The following TMEM266 variants were observed in gnomAD, a reference collection of about 807,000 sequenced individuals.
TMEM266 encodes transmembrane protein 266.
TMEM266 carries 33 observed loss-of-function variants against 50.5 expected under a neutral mutation model. The observed-to-expected ratio is 0.65, with a 90% CI of 0.50 to 0.87. TMEM266 has a LOEUF of 0.87. Ranked by LOEUF, TMEM266 falls within the 40% of genes least tolerant of loss-of-function variation. The probability of loss-of-function intolerance (pLI) is 0.00; values close to 1 mark genes in which losing one functional copy is unlikely to be tolerated. For missense variants in TMEM266, 655 were observed against 695.1 expected (o/e 0.94, Z 0.65); for synonymous variants, 310 against 292.3 (o/e 1.06, Z -0.62).
chr15:76,147,119 G>A (rs2037768717), intron 3 of TMEM266, among the ~76,000 whole-genome samples: 1 of 152,236 alleles, frequency 6.6e-6, no homozygotes, highest in African/African-American at 2.4e-5. Context: ...CTAGATCTCT[G>A]TGGAGTCGAG....
Position 76,065,003 on chromosome 15 carries a change from G to A in TMEM266, c.-97+4987G>A, listed in dbSNP as rs563135565. Among the ~76,000 whole-genome samples the A allele has an allele frequency of 1.0e-3, 159 of 152,286 alleles. 5 individuals are homozygous for A. In the South Asian group the frequency reaches 0.03, roughly 29 times the overall value. ...CCTTCTGCCCATGACAGTTTCCTTT[G>A]AAATAGTCAAATCTTTGTACTTTAC... On this transcript the variant is annotated intron_variant, in intron 1 of 10. Coordinates refer to ENST00000388942, the MANE Select transcript of TMEM266 (RefSeq NM_152335.3).
rs543685383 is a variant in TMEM266 at position 76,081,689 on chromosome 15, T to C, written c.-97+21673T>C. On this transcript the variant is annotated intron_variant, in intron 1 of 10. Coordinates refer to ENST00000388942, the MANE Select transcript of TMEM266 (RefSeq NM_152335.3). Reference sequence around the variant, plus strand: ...TGTCCATATCTGTAAATCGGGTCTGTATACTTGGAGGTTGTTGTGAAAATC... The same window carrying C: ...TGTCCATATCTGTAAATCGGGTCTGCATACTTGGAGGTTGTTGTGAAAATC... Among the ~76,000 whole-genome samples, 155 of 152,334 alleles carry C rather than the reference T, an allele frequency of 1.0e-3. No individual in the cohort carries two copies. The Middle Eastern group carries it at 0.01, about 10-fold the overall frequency.
chr15:76,124,032 T>C (rs758663264), intron 1 of TMEM266, among the ~76,000 whole-genome samples: 23 of 152,222 alleles, frequency 1.5e-4, no homozygotes, highest in Non-Finnish European at 2.8e-4. Flanking sequence ...GAATCTTGAC[T>C]GGACTAGGTT....
intron 7 of TMEM266, among the ~76,000 whole-genome samples, 173 bp downstream of exon 7, chr15:76,171,304 T>C (rs556547677): frequency 8.7e-4 from 132 of 152,324 alleles, no homozygotes; most frequent in African/African-American, 3.1e-3. Context: ...CACGCGTTCA[T>C]GCACACTGCC....
At chr15:76,149,408 C>T (rs2037804379) in intron 3 of TMEM266, among the ~76,000 whole-genome samples, 1 of 152,192 alleles carries the variant, frequency 6.6e-6, no homozygotes, top group South Asian at 2.1e-4. Context: ...GTACCCAATA[C>T]AGTGCCTAGC....
At chr15:76,182,766 T>C (rs2038435958) in intron 8 of TMEM266, among the ~76,000 whole-genome samples, 1 of 152,226 alleles carries the variant, frequency 6.6e-6, no homozygotes. Context: ...GTTGGCAGGC[T>C]GGGTACTATT....
intron 5 of TMEM266, among the ~76,000 whole-genome samples, chr15:76,162,425 C>T (rs999684090): frequency 5.3e-5 from 8 of 152,202 alleles, no homozygotes; most frequent in African/African-American, 1.9e-4. Flanking sequence ...AGAAGGGTCT[C>T]ATGGAGGTCT....
intron 1 of TMEM266, among the ~76,000 whole-genome samples, chr15:76,068,383 A>G (rs1264613983): frequency 6.6e-6 from 1 of 152,224 alleles, no homozygotes; most frequent in Non-Finnish European, 1.5e-5. Flanking sequence ...TACTAATTCC[A>G]TAGACTACTG....
At chr15:76,096,569 G>T (rs2036923368) in intron 1 of TMEM266, among the ~76,000 whole-genome samples, 2 of 152,018 alleles carry the variant, frequency 1.3e-5, no homozygotes, top group Non-Finnish European at 2.9e-5. Flanking sequence ...GTGCTGAGAA[G>T]AATGTATATT....
intron 3 of TMEM266, among the ~76,000 whole-genome samples, chr15:76,155,317 C>G (rs563743905): frequency 7.2e-5 from 11 of 152,192 alleles, no homozygotes; most frequent in African/African-American, 2.2e-4. Flanking sequence ...TCAGCTCCCC[C>G]ATCTCTGTAT....
chr15:76,175,862 C>T, intron 8 of TMEM266, 188 bp downstream of exon 8: 3 of 540,618 alleles, frequency 5.5e-6, no homozygotes, highest in South Asian at 4.1e-5. Flanking sequence ...ATGTATAGCC[C>T]AGCCAGGCAT....
intron 1 of TMEM266, among the ~76,000 whole-genome samples, chr15:76,102,321 C>T (rs1240831184): frequency 1.3e-5 from 2 of 152,106 alleles, no homozygotes; most frequent in Non-Finnish European, 2.9e-5. Flanking sequence ...AAAATTTATT[C>T]AGAAGGTGAG....
At chr15:76,156,498 C>CG in intron 3 of TMEM266, 106 bp from the exon 4 acceptor site, 1 of 1,215,402 alleles carries the variant, frequency 8.2e-7, no homozygotes. Flanking sequence ...GGAGAGAGCC[C>CG]GGGAGGAGTG....
chr15:76,151,216 C>T (rs2037838497), intron 3 of TMEM266, among the ~76,000 whole-genome samples: 1 of 152,168 alleles, frequency 6.6e-6, no homozygotes, highest in South Asian at 2.1e-4. Context: ...AGGAAAGCAC[C>T]TTCTCTAATT....
In TMEM266 at chr15:76,086,061, A is replaced by G. The variant is rs536061628; in HGVS notation, c.-97+26045A>G. ...GAAACTCCATTTCAAAAGAAAAAAA[A>G]AAAAAGAAAAAAATGTCCATAACAA... On this transcript the variant is annotated intron_variant, in intron 1 of 10. Transcript: ENST00000388942. Among the ~76,000 whole-genome samples, 6 of 152,114 alleles carry G rather than the reference A, an allele frequency of 3.9e-5. 1 individual carries two copies. Among genetic ancestry groups the G allele is most frequent in the Admixed American group, 3.9e-4 (6 of 15,286 alleles).
chr15:76,179,705 G>T (rs770274700), intron 8 of TMEM266, among the ~76,000 whole-genome samples: 13 of 152,160 alleles, frequency 8.5e-5, no homozygotes, highest in Non-Finnish European at 1.5e-4. Context: ...GGAATTCTCA[G>T]AGTATAATGA....
chr15:76,182,591 C>T (rs1219253411), intron 8 of TMEM266, among the ~76,000 whole-genome samples: 1 of 152,026 alleles, frequency 6.6e-6, no homozygotes, highest in Non-Finnish European at 1.5e-5. Flanking sequence ...TTAAAGTGAG[C>T]CGAGATCATG....
At chr15:76,098,378 C>T (rs935673169) in intron 1 of TMEM266, among the ~76,000 whole-genome samples, 14 of 152,080 alleles carry the variant, frequency 9.2e-5, no homozygotes, top group African/African-American at 2.7e-4. Context: ...GGACCACTCC[C>T]GACCCTGTTT....
At chr15:76,197,219 C>G (rs539269224) in intron 9 of TMEM266, among the ~76,000 whole-genome samples, 11 of 152,326 alleles carry the variant, frequency 7.2e-5, no homozygotes, top group African/African-American at 2.4e-4. Context: ...ATGTGTGGGC[C>G]TGACCGGGAC....
Sources: gnomAD v4.1 joint callset for allele counts (sites outside exome capture counted in the v4.1 genomes callset) on GRCh38, gnomAD v4.1.1 for gene constraint, MANE v1.5 for transcripts, NCBI Gene and HGNC (gene_info 2026-07-23, HGNC 2026-07-21) for gene names.